Variants in VASH2 observed in about 807,000 individuals in gnomAD.
VASH2 encodes the protein tubulinyl-Tyr carboxypeptidase 2.
In VASH2, 28 loss-of-function variants were observed where a neutral mutation model predicts 37.2. The ratio of observed to expected loss-of-function variants is 0.75; its 90% CI spans 0.56 to 1.03. The LOEUF is 1.03. VASH2 is among the 50% of genes least tolerant of loss of function. The pLI is 0.00. For synonymous variants in VASH2, 188 were observed against 174.7 expected (o/e 1.08, Z -0.60); for missense variants, 419 against 459.1 (o/e 0.91, Z 0.80).
rs1667012143 is a variant in VASH2, at chr1:212,971,609, A to G, written c.498-971A>G. 6.6e-6 allele frequency among the ~76,000 whole-genome samples: 1 copy of G among 152,048 alleles called. No homozygotes were observed. The highest frequency in any genetic ancestry group is 1.5e-5 in the Non-Finnish European group (1 of 68,000). On this transcript the variant is annotated intron_variant, in intron 5 of 7. Transcript: ENST00000517399. This position sits in a 1 kb window ranked among gnomAD's most constrained non-coding sequence, Gnocchi z 4.0. ...AGAGGACTCAGAAGGATGTGATTTC[A>G]CTCCCTAACTGCCAGGTGATCTCAC...
At chr1:212,963,936 ATCACT>A (rs202161341) in intron 3 of VASH2, among the ~76,000 whole-genome samples, 4,388 of 152,206 alleles carry the variant, frequency 0.029, 84 homozygotes, top group South Asian at 0.058. Flanking sequence ...AGGTAAAGAA[ATCACT>A]TCACAATGAG....
chr1:212,972,452 G>T, intron 5 of VASH2, 128 bp from the exon 6 acceptor site: 2 of 1,139,324 alleles, frequency 1.8e-6, no homozygotes, highest in Non-Finnish European at 2.5e-6. Context: ...GTCTGGAAAA[G>T]TTAGATGTGG....
At chr1:212,973,893 G>A in intron 6 of VASH2, 62 bp from the exon 7 acceptor site, 2 of 1,568,632 alleles carry the variant, frequency 1.3e-6, no homozygotes. Flanking sequence ...GGTGCTAGAA[G>A]AAGACCTGAG....
Position 212,971,738 on chromosome 1 carries a change from G to A in VASH2, c.498-842G>A. ...AGAGGACAAGGCTGCCGCCAGTGCTGTGGATGGATTCTGTCAGCATCCTTC... is the reference window on the plus strand; with the variant it reads ...AGAGGACAAGGCTGCCGCCAGTGCTATGGATGGATTCTGTCAGCATCCTTC... On this transcript the variant is annotated intron_variant, in intron 5 of 7. Coordinates refer to ENST00000517399, the MANE Select transcript of VASH2 (RefSeq NM_001301056.2). The surrounding 1 kb of genome is among the most constrained non-coding windows in gnomAD (Gnocchi z 4.0). Among the ~76,000 whole-genome samples the A allele has an allele frequency of 6.6e-6, 1 of 152,112 alleles. No individual in the cohort carries two copies. The highest frequency in any genetic ancestry group is 1.9e-4 in the East Asian group (1 of 5,192).
chr1:212,980,586 G>A (rs1667313397), intron 7 of VASH2, among the ~76,000 whole-genome samples: 1 of 152,206 alleles, frequency 6.6e-6, no homozygotes, highest in Non-Finnish European at 1.5e-5. Context: ...AGGGCCTTGA[G>A]CTGGACAATG....
chr1:212,988,490 T>C (rs200868474), intron 7 of VASH2, 22 bp from the exon 8 acceptor site: 441 of 1,613,392 alleles, frequency 2.7e-4, no homozygotes, highest in Non-Finnish European at 3.6e-4. Context: ...TCCTCCACCA[T>C]ATTTCTGTCT....
intron 7 of VASH2, among the ~76,000 whole-genome samples, chr1:212,976,071 T>C (rs1364282940): frequency 1.3e-5 from 2 of 151,782 alleles, no homozygotes; most frequent in South Asian, 2.1e-4. Flanking sequence ...ATGTCAGGAG[T>C]CAGGAGGTGG....
At chr1:212,985,398 G>A (rs1047394136) in intron 7 of VASH2, among the ~76,000 whole-genome samples, 1 of 149,630 alleles carries the variant, frequency 6.7e-6, no homozygotes, top group Non-Finnish European at 1.5e-5. Flanking sequence ...TTCCTGCTGC[G>A]CTGCCATCTT....
At chr1:212,969,966 T>G (rs186007025) in intron 5 of VASH2, among the ~76,000 whole-genome samples, 2 of 152,354 alleles carry the variant, frequency 1.3e-5, no homozygotes, top group East Asian at 1.9e-4. Context: ...GGCATGCGCA[T>G]GCTTTTACAT....
chr1:212,973,568 T>C, intron 6 of VASH2: 1 of 1,273,800 alleles, frequency 7.9e-7, no homozygotes, highest in South Asian at 1.3e-5. Context: ...ATGTGTGGGA[T>C]GGGAGCATCA....
intron 2 of VASH2, among the ~76,000 whole-genome samples, chr1:212,958,098 C>A (rs1450753408): frequency 6.6e-6 from 1 of 152,174 alleles, no homozygotes; most frequent in African/African-American, 2.4e-5. Flanking sequence ...CAGAGCAGGG[C>A]TTTGGACCTG....
chr1:212,965,079 C>G (rs922638424), intron 3 of VASH2, among the ~76,000 whole-genome samples: 1 of 152,208 alleles, frequency 6.6e-6, no homozygotes, highest in Non-Finnish European at 1.5e-5. Flanking sequence ...TGCCATTACA[C>G]TTGGCTAATT....
chr1:212,977,222 T>TG (rs1667204013), intron 7 of VASH2, among the ~76,000 whole-genome samples: 1 of 152,086 alleles, frequency 6.6e-6, no homozygotes, highest in South Asian at 2.1e-4. Flanking sequence ...TGAACAGAGA[T>TG]GCAGCAACCT....
At chr1:212,983,460 C>T (rs978960060) in intron 7 of VASH2, among the ~76,000 whole-genome samples, 1 of 152,118 alleles carries the variant, frequency 6.6e-6, no homozygotes, top group African/African-American at 2.4e-5. Flanking sequence ...CAAAGTCATC[C>T]TTTTATAAGA....
At chr1:212,963,532 C>T (rs1034402687) in intron 3 of VASH2, among the ~76,000 whole-genome samples, 5 of 150,090 alleles carry the variant, frequency 3.3e-5, no homozygotes, top group African/African-American at 7.6e-5. Flanking sequence ...CAAATCCTGC[C>T]TTCCCCTCAG....
chr1:212,956,837 C>A (rs182242075), intron 2 of VASH2, among the ~76,000 whole-genome samples: 156 of 152,222 alleles, frequency 1.0e-3, no homozygotes, highest in African/African-American at 3.3e-3. Context: ...ATTGTCTTTT[C>A]GTGGCTCTTA....
intron 3 of VASH2, 21 bp downstream of exon 3, chr1:212,961,275 T>G (rs2102628159): frequency 6.2e-7 from 1 of 1,614,148 alleles, no homozygotes. Context: ...AACCAAGGTC[T>G]GAGCACACCC....
chr1:212,953,500 G>A (rs186824622), intron 2 of VASH2, among the ~76,000 whole-genome samples: 3 of 152,256 alleles, frequency 2.0e-5, no homozygotes, highest in Non-Finnish European at 4.4e-5. Context: ...TTTGAATCAG[G>A]GCAGAGCATT....
At chr1:212,957,360 T>G (rs905883441) in intron 2 of VASH2, among the ~76,000 whole-genome samples, 1 of 152,238 alleles carries the variant, frequency 6.6e-6, no homozygotes, top group African/African-American at 2.4e-5. Context: ...AGATTTTTCT[T>G]GTCACTTTGC....
Sources: allele counts gnomAD v4.1 joint callset (sites outside exome capture counted in the v4.1 genomes callset), GRCh38; gene constraint gnomAD v4.1.1; non-coding constraint Gnocchi (gnomAD v3.1); transcripts MANE v1.5; gene names NCBI Gene and HGNC (gene_info 2026-07-23, HGNC 2026-07-21).